Variants in TMC5 observed in about 807,000 individuals in gnomAD.
TMC5 encodes transmembrane channel-like protein 5.
A neutral mutation model predicts 110.5 loss-of-function variants in TMC5; 86 were observed. The observed-to-expected ratio is 0.78, with a 90% CI of 0.65 to 0.93. The LOEUF is 0.93. TMC5 is among the 40% of genes least tolerant of loss of function. The pLI, the probability that TMC5 is intolerant of heterozygous loss-of-function variation, is 0.00. For missense variants in TMC5, 1,144 were observed against 1,222.8 expected, an observed-to-expected ratio of 0.94 and a Z score of 0.96; for synonymous variants, 455 against 439.5, an observed-to-expected ratio of 1.04 and a Z score of -0.44.
chr16:19,423,413 C>A (rs1967025854), intron 1 of TMC5, among the ~76,000 whole-genome samples: 1 of 152,212 alleles, frequency 6.6e-6, no homozygotes, highest in African/African-American at 2.4e-5. Context: ...TGATGATGTA[C>A]TTACAGTTCC....
chr16:19,463,860 A>G lies in TMC5; in HGVS notation c.1321A>G (p.Lys441Glu). The G allele has an allele frequency of 6.2e-7, 1 of 1,614,242 alleles. No homozygotes were observed. ...GAAGACGCTGAAGATCATTGGAGGC[A>G]AGTTTGGAACCAGCGTCCTCTCCTA... ...WQKTLKIIGGKFGTSVLSYFN... is the reference protein window; with the variant it reads ...WQKTLKIIGGEFGTSVLSYFN... The change falls in exon 8 of 22, where the codon AAG becomes GAG. Residue 441 changes from lysine to glutamate, a missense_variant. Physicochemically the swap from Lys to Glu is moderately conservative, Grantham distance 56. Transcript: ENST00000542583.
At chr16:19,495,008 A>ATTTTTTTTTTTTTT (rs1226858039) in intron 20 of TMC5, among the ~76,000 whole-genome samples, 9 of 37,130 alleles carry the variant, frequency 2.4e-4, no homozygotes, top group African/African-American at 5.0e-4. Flanking sequence ...TTCAGTGTCT[A>ATTTTTTTTTTTTTT]TTCTTTTTTT....
At chr16:19,421,936 AAGAG>A (rs1217483115) in intron 1 of TMC5, among the ~76,000 whole-genome samples, 2 of 152,012 alleles carry the variant, frequency 1.3e-5, no homozygotes, top group East Asian at 1.9e-4. Flanking sequence ...TCTCTTAAAA[AAGAG>A]AGAGAGAGGG....
At chr16:19,448,718 T>C (rs1232897256) in intron 4 of TMC5, among the ~76,000 whole-genome samples, 1 of 145,794 alleles carries the variant, frequency 6.9e-6, no homozygotes, top group African/African-American at 2.5e-5. Flanking sequence ...ATATATTATA[T>C]TTATTTTTAT....
chr16:19,473,408 G>A (rs1254926895), intron 11 of TMC5, among the ~76,000 whole-genome samples: 3 of 126,718 alleles, frequency 2.4e-5, no homozygotes, highest in African/African-American at 5.8e-5. Context: ...GCAGAGACAC[G>A]CCAACCCCCT....
intron 5 of TMC5, among the ~76,000 whole-genome samples, chr16:19,455,554 C>T (rs1192849427): frequency 6.6e-6 from 1 of 152,220 alleles, no homozygotes. Context: ...GCCTTTTTCT[C>T]TACCATCCTT....
chr16:19,482,405 A>G (rs978560765), intron 15 of TMC5, among the ~76,000 whole-genome samples: 1 of 152,188 alleles, frequency 6.6e-6, no homozygotes, highest in Non-Finnish European at 1.5e-5. Flanking sequence ...TAGTTATAGC[A>G]GCCTGATGGA....
intron 17 of TMC5, among the ~76,000 whole-genome samples, chr16:19,489,640 G>A (rs1300310146): frequency 7.7e-6 from 1 of 130,332 alleles, no homozygotes; most frequent in Admixed American, 8.8e-5. Context: ...GGCATGCCTG[G>A]CTAATTTTTT....
chr16:19,494,677 C>T (rs994801132), intron 20 of TMC5, among the ~76,000 whole-genome samples: 5 of 152,054 alleles, frequency 3.3e-5, no homozygotes, highest in Non-Finnish European at 7.4e-5. Context: ...TGTGGTGGCA[C>T]GCACCTGTAG....
At chr16:19,494,683 T>C (rs970101313) in intron 20 of TMC5, among the ~76,000 whole-genome samples, 2 of 152,110 alleles carry the variant, frequency 1.3e-5, no homozygotes, top group African/African-American at 4.8e-5. Context: ...GGCACGCACC[T>C]GTAGCCCCAG....
intron 1 of TMC5, among the ~76,000 whole-genome samples, chr16:19,421,660 C>G (rs1458721691): frequency 1.3e-5 from 2 of 152,362 alleles, no homozygotes; most frequent in East Asian, 3.9e-4. Flanking sequence ...CTTACTCCCT[C>G]ACCCTAGTCC....
intron 8 of TMC5, 56 bp from the exon 9 acceptor site, chr16:19,466,026 C>A: frequency 6.3e-7 from 1 of 1,590,528 alleles, no homozygotes; most frequent in East Asian, 2.2e-5. Flanking sequence ...TGACCATAAT[C>A]GTTTACCTTT....
intron 20 of TMC5, among the ~76,000 whole-genome samples, chr16:19,495,807 C>T (rs1201462524): frequency 6.6e-6 from 1 of 151,828 alleles, no homozygotes; most frequent in Non-Finnish European, 1.5e-5. Flanking sequence ...TCACCGCACT[C>T]CAGCTTGGGA....
At chr16:19,424,113 T>G (rs1967041415) in intron 1 of TMC5, among the ~76,000 whole-genome samples, 1 of 152,138 alleles carries the variant, frequency 6.6e-6, no homozygotes, top group Non-Finnish European at 1.5e-5. Context: ...ACCCACAGGT[T>G]AAGGGCTCAG....
chr16:19,470,992 C>T (rs919970466), intron 10 of TMC5, among the ~76,000 whole-genome samples: 17 of 152,098 alleles, frequency 1.1e-4, no homozygotes, highest in African/African-American at 4.1e-4. Context: ...GCCAAGATCG[C>T]GCCACTGCAC....
intron 20 of TMC5, 128 bp from the exon 21 acceptor site, chr16:19,496,993 G>A: frequency 1.2e-6 from 1 of 802,182 alleles, no homozygotes; most frequent in South Asian, 1.6e-5. Flanking sequence ...CGGAGACTTG[G>A]CCTTAATCTC....
intron 1 of TMC5, among the ~76,000 whole-genome samples, chr16:19,424,138 C>T (rs1967042109): frequency 6.6e-6 from 1 of 152,202 alleles, no homozygotes; most frequent in Non-Finnish European, 1.5e-5. Flanking sequence ...ACAAGACTGC[C>T]TCCCAACTTT....
At chr16:19,486,630 G>T (rs1175762850) in intron 15 of TMC5, among the ~76,000 whole-genome samples, 1 of 150,472 alleles carries the variant, frequency 6.6e-6, no homozygotes, top group Non-Finnish European at 1.5e-5. Context: ...ACCCCCTCTT[G>T]GCCTCCCAAA....
intron 2 of TMC5, among the ~76,000 whole-genome samples, chr16:19,438,800 C>T (rs1484955513): frequency 2.0e-5 from 3 of 152,104 alleles, no homozygotes; most frequent in African/African-American, 7.2e-5. Flanking sequence ...CCTCTTATTT[C>T]AAAGTGTTAA....
Sources: allele counts gnomAD v4.1 joint callset (sites outside exome capture counted in the v4.1 genomes callset), GRCh38; gene constraint gnomAD v4.1.1; transcripts MANE v1.5; gene names NCBI Gene and HGNC (gene_info 2026-07-23, HGNC 2026-07-21).